OSTF1: variants seen among roughly 807,000 people sequenced by gnomAD.
The protein encoded by OSTF1 is osteoclast stimulating factor 1.
Under a neutral mutation model 37.2 loss-of-function variants are expected in OSTF1, and 27 were observed. The ratio of observed to expected loss-of-function variants is 0.73; its 90% CI spans 0.54 to 1.00. OSTF1 has a LOEUF of 1.00. OSTF1 is among the 50% of genes least tolerant of loss of function. The pLI, the probability that OSTF1 is intolerant of heterozygous loss-of-function variation, is 0.00. For synonymous variants in OSTF1, 82 were observed against 89.2 expected (o/e 0.92, Z 0.46); for missense variants, 232 against 253.8 (o/e 0.91, Z 0.58).
intron 1 of OSTF1, among the ~76,000 whole-genome samples, chr9:75,105,733 A>T (rs1318597133): frequency 2.6e-5 from 4 of 152,136 alleles, no homozygotes; most frequent in Admixed American, 1.3e-4. Context: ...TCCTGAGATG[A>T]AGGGTTTTTA....
intron 1 of OSTF1, among the ~76,000 whole-genome samples, chr9:75,096,636 C>T (rs557212235): frequency 2.0e-5 from 3 of 152,194 alleles, no homozygotes; most frequent in Non-Finnish European, 4.4e-5. Context: ...TTCTCGGCTT[C>T]CCAGCCAGGA....
chr9:75,126,004 G>C (rs1825655896), intron 2 of OSTF1, among the ~76,000 whole-genome samples: 1 of 152,126 alleles, frequency 6.6e-6, no homozygotes. Flanking sequence ...CTGCCTCCCA[G>C]GTTCAAGTGA....
intron 1 of OSTF1, among the ~76,000 whole-genome samples, chr9:75,089,139 G>C (rs1824884249): frequency 6.6e-6 from 1 of 152,010 alleles, no homozygotes; most frequent in South Asian, 2.1e-4. Flanking sequence ...TAGGGTTCCT[G>C]ACCGGCCAGA....
intron 3 of OSTF1, among the ~76,000 whole-genome samples, chr9:75,129,860 T>TCGACC (rs1473339626): frequency 2.0e-5 from 3 of 152,222 alleles, no homozygotes; most frequent in African/African-American, 7.2e-5. Flanking sequence ...AATTTGAGTA[T>TCGACC]CGACCTAGAT....
Position 75,146,860 on chromosome 9 carries a change from G to A in OSTF1, c.*119G>A. 1.5e-6 allele frequency: 1 copy of A among 675,394 alleles called. No individual in the cohort carries two copies. Among genetic ancestry groups the A allele is most frequent in the Non-Finnish European group, 2.5e-6 (1 of 393,318 alleles). 41.8% of individuals were successfully genotyped at this position (675,394 alleles called of 1,614,324 possible). ...AATTATATATGAACACGGCAGTGTT[G>A]CACTGTGTTTGAGTAGAACGTGTAA... On this transcript the variant is annotated 3_prime_UTR_variant, in exon 10 of 10. Transcript: ENST00000346234.
At chr9:75,106,323 T>C (rs370471845) in intron 1 of OSTF1, among the ~76,000 whole-genome samples, 68 of 152,328 alleles carry the variant, frequency 4.5e-4, no homozygotes, top group African/African-American at 1.6e-3. Context: ...TTCCAAGGAT[T>C]ATAGCCTCTC....
At chr9:75,122,851 G>T (rs998337727) in intron 2 of OSTF1, among the ~76,000 whole-genome samples, 2 of 152,144 alleles carry the variant, frequency 1.3e-5, no homozygotes, top group African/African-American at 2.4e-5. Context: ...CATCTGTGGA[G>T]AATTTGTTTT....
At chr9:75,134,778 G>T (rs1825817496) in intron 7 of OSTF1, among the ~76,000 whole-genome samples, 3 of 152,074 alleles carry the variant, frequency 2.0e-5, no homozygotes, top group Admixed American at 2.0e-4. Context: ...CTGCTCCTCA[G>T]TGTACTTCAT....
chr9:75,143,110 T>C (rs1825969152), intron 9 of OSTF1, among the ~76,000 whole-genome samples: 1 of 152,102 alleles, frequency 6.6e-6, no homozygotes, highest in South Asian at 2.1e-4. Flanking sequence ...CGGCTAATTT[T>C]TGTATTTTTA....
intron 1 of OSTF1, 71 bp downstream of exon 1, chr9:75,088,797 G>T: frequency 6.8e-7 from 1 of 1,465,556 alleles, no homozygotes; most frequent in Non-Finnish European, 9.4e-7. Context: ...TCTGCAGCTT[G>T]GCAGGGAGGA....
intron 1 of OSTF1, among the ~76,000 whole-genome samples, chr9:75,105,978 C>T (rs1825276203): frequency 1.3e-5 from 2 of 152,162 alleles, no homozygotes; most frequent in African/African-American, 4.8e-5. Flanking sequence ...TGTTAATAAA[C>T]AGAACGCTCT....
At chr9:75,130,926 A>G (rs1043752404) in intron 4 of OSTF1, among the ~76,000 whole-genome samples, 8 of 152,146 alleles carry the variant, frequency 5.3e-5, no homozygotes, top group African/African-American at 1.2e-4. Flanking sequence ...ATTTTTTTTA[A>G]TGCTGATAAA....
chr9:75,145,719 T>C (rs1826013549), intron 9 of OSTF1, among the ~76,000 whole-genome samples: 1 of 152,222 alleles, frequency 6.6e-6, no homozygotes, highest in Non-Finnish European at 1.5e-5. Context: ...ATGAGTTCTT[T>C]TTGGTGTGCC....
At chr9:75,123,620 A>G (rs999079624) in intron 2 of OSTF1, among the ~76,000 whole-genome samples, 1 of 152,148 alleles carries the variant, frequency 6.6e-6, no homozygotes, top group African/African-American at 2.4e-5. Context: ...TGCAGGTGAA[A>G]TCTGTTGTTA....
chr9:75,110,245 C>G (rs529973367), intron 1 of OSTF1, among the ~76,000 whole-genome samples: 1 of 152,282 alleles, frequency 6.6e-6, no homozygotes, highest in African/African-American at 2.4e-5. Flanking sequence ...TGTACACTGC[C>G]TTTTCAACTG....
At chr9:75,123,567 TC>T (rs1169382552) in intron 2 of OSTF1, among the ~76,000 whole-genome samples, 2 of 152,238 alleles carry the variant, frequency 1.3e-5, no homozygotes, top group Admixed American at 1.3e-4. Flanking sequence ...ACAATTTAGA[TC>T]AGGTATCCTG....
At chr9:75,122,540 C>T (rs1312207593) in intron 2 of OSTF1, among the ~76,000 whole-genome samples, 2 of 152,154 alleles carry the variant, frequency 1.3e-5, no homozygotes, top group African/African-American at 2.4e-5. Context: ...CCAAGGTGGC[C>T]AGCTGTTAAT....
chr9:75,125,248 A>T (rs755141897), intron 2 of OSTF1, among the ~76,000 whole-genome samples: 11 of 152,274 alleles, frequency 7.2e-5, no homozygotes, highest in Non-Finnish European at 1.3e-4. Context: ...TCCAGCTGGG[A>T]TGCTGGCGTG....
chr9:75,109,089 T>TG (rs199515959), intron 1 of OSTF1, among the ~76,000 whole-genome samples: 5,612 of 151,398 alleles, frequency 0.037, 148 homozygotes, highest in African/African-American at 0.068. Flanking sequence ...CTTGGCTCAC[T>TG]GCAGCCTCCA....
Sources: gnomAD v4.1 joint callset for allele counts (sites outside exome capture counted in the v4.1 genomes callset) on GRCh38, gnomAD v4.1.1 for gene constraint, MANE v1.5 for transcripts, NCBI Gene and HGNC (gene_info 2026-07-23, HGNC 2026-07-21) for gene names.